Variants in PAFAH2 observed in about 807,000 individuals in gnomAD.
PAFAH2 encodes platelet activating factor acetylhydrolase 2, also known as platelet-activating factor acetylhydrolase 2, cytoplasmic.
Under a neutral mutation model 49.0 loss-of-function variants are expected in PAFAH2, and 42 were observed. The observed-to-expected ratio is 0.86, with a 90% CI of 0.67 to 1.11. The LOEUF (loss-of-function observed/expected upper bound fraction) is 1.11, where lower values mean the gene tolerates loss of function less well. Among genes scored for constraint, PAFAH2 ranks in the 50% least tolerant of loss-of-function variants. PAFAH2 has a pLI of 0.00. For missense variants in PAFAH2, 503 were observed against 501.8 expected (o/e 1.00, Z -0.02); for synonymous variants, 184 against 181.3 (o/e 1.01, Z -0.12).
At chr1:25,980,210 T>C (rs298447) in intron 7 of PAFAH2, among the ~76,000 whole-genome samples, 20,232 of 152,312 alleles carry the variant, frequency 0.13, 1,469 homozygotes, top group Middle Eastern at 0.22. Context: ...CTTGGGTACT[T>C]AGCCTTTTTG....
At chr1:25,968,091 G>T (rs1257155) in intron 10 of PAFAH2, among the ~76,000 whole-genome samples, 22,172 of 152,112 alleles carry the variant, frequency 0.15, 2,027 homozygotes, top group East Asian at 0.21. Context: ...GCTTGAACCT[G>T]GGAGCAGAGG....
At chr1:25,963,464 G>A (rs182341394) in intron 10 of PAFAH2, among the ~76,000 whole-genome samples, 38 of 152,190 alleles carry the variant, frequency 2.5e-4, no homozygotes, top group Middle Eastern at 3.4e-3. Context: ...TGGTGGCCAG[G>A]GGTTGGAGTG....
intron 1 of PAFAH2, among the ~76,000 whole-genome samples, chr1:25,994,645 A>G (rs2049915514): frequency 6.6e-6 from 1 of 152,156 alleles, no homozygotes; most frequent in African/African-American, 2.4e-5. Context: ...TTGGCCACTG[A>G]GTGAATCTGG....
At chr1:25,962,321 C>T (rs2049351094) in intron 10 of PAFAH2, among the ~76,000 whole-genome samples, 1 of 152,130 alleles carries the variant, frequency 6.6e-6, no homozygotes, top group Admixed American at 6.6e-5. Flanking sequence ...CAGAGGGTAA[C>T]ATTTATTGAT....
chr1:25,989,308 C>T (rs2049836948), intron 3 of PAFAH2, 140 bp downstream of exon 3: 1 of 690,158 alleles, frequency 1.4e-6, no homozygotes, highest in African/African-American at 1.8e-5. Flanking sequence ...TCTCCCAACT[C>T]TCCATACCAC....
In PAFAH2 at chr1:25,971,690, C is replaced by T. The variant is rs1377409842; in HGVS notation, c.1084+868G>A. ...AGGTGCACTCTCATAAACAAACTCC[C>T]CTTTTTTTCTCAAGCTAAGTTTGTG... On this transcript the variant is annotated intron_variant, in intron 10 of 10. Coordinates refer to ENST00000374282, the MANE Select transcript of PAFAH2 (RefSeq NM_000437.4). Among the ~76,000 whole-genome samples, 3 of 152,138 alleles carry T rather than the reference C, an allele frequency of 2.0e-5. No individual in the cohort carries two copies. The East Asian group carries it at 5.8e-4, about 29-fold the overall frequency.
chr1:25,980,634 T>A (rs1340324885), intron 7 of PAFAH2, among the ~76,000 whole-genome samples: 1 of 145,686 alleles, frequency 6.9e-6, no homozygotes, highest in Non-Finnish European at 1.5e-5. Flanking sequence ...TATATATATT[T>A]TATATATATT....
In PAFAH2 at chr1:25,984,102, T is replaced by A. The variant is rs983739179; in HGVS notation, c.411-15A>T. 1.2e-6 allele frequency: 2 copies of A among 1,613,552 alleles called. No homozygotes were observed. The highest frequency in any genetic ancestry group is 1.7e-6 in the Non-Finnish European group (2 of 1,179,728). ...CTGACCGGTCCCTGAAATACACACA[T>A]CATCAGAGAGAAACCAGAAAACATT... On this transcript the variant is annotated splice_polypyrimidine_tract_variant and intron_variant, in intron 5 of 10. Coordinates refer to ENST00000374282, the MANE Select transcript of PAFAH2 (RefSeq NM_000437.4).
At chr1:25,986,781 T>C (rs2049787486) in intron 4 of PAFAH2, among the ~76,000 whole-genome samples, 1 of 151,968 alleles carries the variant, frequency 6.6e-6, no homozygotes, top group Admixed American at 6.6e-5. Context: ...TCCACCCACC[T>C]CGGCCTCCCA....
intron 1 of PAFAH2, among the ~76,000 whole-genome samples, chr1:25,993,899 A>G (rs1190882954): frequency 6.6e-6 from 1 of 152,174 alleles, no homozygotes; most frequent in Non-Finnish European, 1.5e-5. Flanking sequence ...GCTTGGAAGT[A>G]GAGAGCAGGG....
intron 7 of PAFAH2, among the ~76,000 whole-genome samples, chr1:25,980,893 TG>T (rs746322604): frequency 2.0e-5 from 3 of 151,840 alleles, no homozygotes; most frequent in Non-Finnish European, 4.4e-5. Context: ...GGCGCACACC[TG>T]GAGTCCCAGC....
intron 7 of PAFAH2, among the ~76,000 whole-genome samples, chr1:25,980,611 T>TTTTTTA (rs369555868): frequency 1.5e-3 from 113 of 74,220 alleles, no homozygotes; most frequent in African/African-American, 3.4e-3. Context: ...TGGGCCATAT[T>TTTTTTA]TATATATATA....
chr1:25,963,027 T>G (rs1344321533), intron 10 of PAFAH2, among the ~76,000 whole-genome samples: 1 of 151,790 alleles, frequency 6.6e-6, no homozygotes, highest in Non-Finnish European at 1.5e-5. Flanking sequence ...TCACAGCCAA[T>G]AGGGGTAACT....
intron 7 of PAFAH2, among the ~76,000 whole-genome samples, chr1:25,979,755 G>T (rs1396992248): frequency 2.6e-5 from 4 of 152,182 alleles, no homozygotes; most frequent in Non-Finnish European, 4.4e-5. Flanking sequence ...CTCCCAAAGT[G>T]CTGGGATTAC....
intron 8 of PAFAH2, among the ~76,000 whole-genome samples, chr1:25,975,443 A>G (rs930909103): frequency 6.6e-6 from 1 of 152,030 alleles, no homozygotes. Context: ...TTAGCAGGGC[A>G]TGGTAGCATG....
At chr1:25,995,846 G>T (rs2049929739) in intron 1 of PAFAH2, among the ~76,000 whole-genome samples, 1 of 152,122 alleles carries the variant, frequency 6.6e-6, no homozygotes, top group Admixed American at 6.5e-5. Context: ...TCCCCATATA[G>T]TTGGGACTCA....
At chr1:25,989,420 A>G (rs1286770865) in intron 3 of PAFAH2, 28 bp downstream of exon 3, 2 of 1,535,256 alleles carry the variant, frequency 1.3e-6, no homozygotes, top group Admixed American at 2.0e-5. Flanking sequence ...CAACTGGGAA[A>G]GCATGCAGAG....
intron 8 of PAFAH2, among the ~76,000 whole-genome samples, chr1:25,975,883 A>G (rs1385135615): frequency 6.6e-6 from 1 of 152,156 alleles, no homozygotes; most frequent in Non-Finnish European, 1.5e-5. Context: ...TCATACGTAG[A>G]ATAAAATATA....
chr1:25,970,359 T>C (rs897200661), intron 10 of PAFAH2, among the ~76,000 whole-genome samples: 5 of 152,248 alleles, frequency 3.3e-5, no homozygotes, highest in Admixed American at 1.3e-4. Context: ...CCCAGCTACT[T>C]GGGAGGCTGT....
Sources: allele counts gnomAD v4.1 joint callset (sites outside exome capture counted in the v4.1 genomes callset), GRCh38; gene constraint gnomAD v4.1.1; transcripts MANE v1.5; gene names NCBI Gene and HGNC (gene_info 2026-07-23, HGNC 2026-07-21).